PAK4: variants seen among roughly 807,000 people sequenced by gnomAD.
PAK4 encodes p21 (RAC1) activated kinase 4.
In PAK4, 49 loss-of-function variants were observed where a neutral mutation model predicts 53.5. That is an observed-to-expected ratio of 0.92 (90% CI 0.73 to 1.16). PAK4 has a LOEUF of 1.16. PAK4 is among the 50% of genes most tolerant of loss of function. The pLI, the probability that PAK4 is intolerant of heterozygous loss-of-function variation, is 0.00. For missense variants in PAK4, 824 were observed against 850.7 expected (o/e 0.97, Z 0.39); for synonymous variants, 376 against 375.6 (o/e 1.00, Z -0.01).
intron 1 of PAK4, among the ~76,000 whole-genome samples, chr19:39,150,538 C>T (rs550350384): frequency 3.3e-5 from 5 of 152,230 alleles, no homozygotes; most frequent in East Asian, 3.9e-4. Context: ...CTCATCCTCA[C>T]GCCCACTCAG....
rs368685423 is a variant in PAK4 at position 39,148,195 on chromosome 19, G to A, written c.-22-21337G>A. The stretch of plus-strand genomic sequence containing the variant: ...TCGAACTCCTGACCTCAGGTGATCC[G>A]CCTGCCTCGGCCTCCCAAAGTGCTG... On this transcript the variant is annotated intron_variant, in intron 1 of 8. Transcript: ENST00000358301. Among the ~76,000 whole-genome samples, 40 of 151,154 alleles carry A rather than the reference G, an allele frequency of 2.6e-4. No homozygotes were observed. In the East Asian group the frequency reaches 4.9e-3, roughly 18 times the overall value.
rs543677728 is a variant in PAK4 at position 39,178,370 on chromosome 19, A to G, written c.1621-54A>G. On this transcript the variant is annotated intron_variant, in intron 8 of 8. Transcript: ENST00000358301. The surrounding 1 kb of genome is among the most constrained non-coding windows in gnomAD (Gnocchi z 4.4). Reference sequence around the variant, plus strand: ...GCAGAGGCGGACACTGCAGCCCTACAGCAAATGAACAGTGGGGAGCCTCGC... The same window carrying G: ...GCAGAGGCGGACACTGCAGCCCTACGGCAAATGAACAGTGGGGAGCCTCGC... 22 of 1,542,688 alleles carry G rather than the reference A, an allele frequency of 1.4e-5. No homozygotes were observed. In the African/African-American group the frequency reaches 2.2e-4, roughly 15 times the overall value.
chr19:39,135,849 G>A (rs1310817810), intron 1 of PAK4, among the ~76,000 whole-genome samples: 3 of 149,422 alleles, frequency 2.0e-5, no homozygotes, highest in Non-Finnish European at 3.0e-5. Flanking sequence ...GTCTTGTTTC[G>A]GGATTAGGCT....
chr19:39,177,116 C>T (rs534749172), intron 7 of PAK4, among the ~76,000 whole-genome samples: 1 of 152,304 alleles, frequency 6.6e-6, no homozygotes, highest in African/African-American at 2.4e-5. Flanking sequence ...ATCTATCCGC[C>T]TTGGCCTCCT....
intron 1 of PAK4, among the ~76,000 whole-genome samples, chr19:39,131,854 C>T (rs1375059858): frequency 1.3e-5 from 2 of 152,198 alleles, no homozygotes; most frequent in Non-Finnish European, 2.9e-5. Context: ...AAAGAACTTC[C>T]CTGGGCCTCT....
chr19:39,140,950 C>T (rs534927600), intron 1 of PAK4, among the ~76,000 whole-genome samples: 1 of 152,152 alleles, frequency 6.6e-6, no homozygotes, highest in African/African-American at 2.4e-5. Context: ...TACTAGTACT[C>T]TTATTACCAT....
At position 39,168,248 on chromosome 19, in the gene PAK4, CT is replaced by C; in HGVS notation, c.-22-1283del. ...TTTACAGATGAGTAACCCGAAGCCCCTAGAGGAGTGGTCACCTGCCTGAGGG... is the reference window on the plus strand; with the variant it reads ...TTTACAGATGAGTAACCCGAAGCCCCAGAGGAGTGGTCACCTGCCTGAGGG... On this transcript the variant is annotated intron_variant, in intron 1 of 8. An upstream open reading frame in the 5' UTR loses its in-frame stop. Coordinates refer to ENST00000358301, the Ensembl canonical transcript of PAK4. The C allele has an allele frequency of 6.6e-6, 1 of 152,248 alleles. No individual in the cohort carries two copies. The highest frequency in any genetic ancestry group is 1.9e-4 in the East Asian group (1 of 5,192). 9.4% of individuals were successfully genotyped at this position (152,248 alleles called of 1,614,324 possible). A position where few individuals can be genotyped will look rare whatever the true frequency, so the allele number is the denominator to read the frequency against.
At chr19:39,155,171 G>A (rs1274965459) in intron 1 of PAK4, among the ~76,000 whole-genome samples, 1 of 152,166 alleles carries the variant, frequency 6.6e-6, no homozygotes, top group Non-Finnish European at 1.5e-5. Context: ...CGGGCACCCA[G>A]CAGCCTTGGT....
At chr19:39,144,416 C>T (rs376655689) in intron 1 of PAK4, among the ~76,000 whole-genome samples, 64 of 152,340 alleles carry the variant, frequency 4.2e-4, no homozygotes, top group African/African-American at 1.4e-3. Flanking sequence ...CTGTCTCCAG[C>T]ACGGGGCACC....
At position 39,169,523 on chromosome 19, in the gene PAK4, C is replaced by T. The variant is rs756845076; in HGVS notation, c.-22-9C>T. On this transcript the variant is annotated splice_polypyrimidine_tract_variant and intron_variant, in intron 1 of 8. Transcript: ENST00000358301. ...GCTCTCACTCACCCACCGTGATTCC[C>T]TCCCGCAGGCCGCACCGAGTCCCCG... 8.8e-6 allele frequency: 14 copies of T among 1,598,860 alleles called. No individual in the cohort carries two copies. The highest frequency in any genetic ancestry group is 2.2e-5 in the South Asian group (2 of 90,642).
At chr19:39,155,623 G>A (rs2074166729) in intron 1 of PAK4, among the ~76,000 whole-genome samples, 3 of 152,186 alleles carry the variant, frequency 2.0e-5, no homozygotes, top group African/African-American at 7.2e-5. Context: ...GGGATTTGAA[G>A]GGGAGGGAGG....
At chr19:39,177,695 G>A in exon 8 of PAK4, 1 of 1,613,564 alleles carries the variant, frequency 6.2e-7, no homozygotes, top group Non-Finnish European at 8.5e-7. Flanking sequence ...GGTCGCTGGG[G>A]ATAATGGTGA....
intron 1 of PAK4, among the ~76,000 whole-genome samples, chr19:39,155,188 C>T (rs759756868): frequency 1.9e-4 from 29 of 152,180 alleles, no homozygotes; most frequent in Non-Finnish European, 2.1e-4. Context: ...TGGTCCCTAC[C>T]GCCTACCAGA....
intron 1 of PAK4, among the ~76,000 whole-genome samples, chr19:39,145,589 C>T (rs886723955): frequency 2.6e-5 from 4 of 152,130 alleles, no homozygotes; most frequent in Non-Finnish European, 4.4e-5. Flanking sequence ...GGTAGAGCGC[C>T]GTTGGCTTCC....
chr19:39,161,074 C>T lies in PAK4; in HGVS notation c.-22-8458C>T, dbSNP rs2074276231. Reference sequence around the variant, plus strand: ...TGGGGAACAGGAAGGAAGAGGACTCCCCACCCAGCACCCAGCACTGTTTAG... The same window carrying T: ...TGGGGAACAGGAAGGAAGAGGACTCTCCACCCAGCACCCAGCACTGTTTAG... On this transcript the variant is annotated intron_variant, in intron 1 of 8. Coordinates refer to ENST00000358301, the Ensembl canonical transcript of PAK4. This position sits in a 1 kb window ranked among gnomAD's most constrained non-coding sequence, Gnocchi z 4.5. 6.6e-6 allele frequency among the ~76,000 whole-genome samples: 1 copy of T among 152,190 alleles called. No homozygotes were observed. The highest frequency in any genetic ancestry group is 2.4e-5 in the African/African-American group (1 of 41,452).
chr19:39,169,281 T>C (rs1303837573), intron 1 of PAK4, among the ~76,000 whole-genome samples: 1 of 151,788 alleles, frequency 6.6e-6, no homozygotes, highest in Non-Finnish European at 1.5e-5. Context: ...GATGGGGCCT[T>C]GTGGGCCCGC....
chr19:39,182,805 T>A (rs1367872335), downstream of PAK4: 2 of 125,334 alleles, frequency 1.6e-5, no homozygotes, highest in Admixed American at 8.2e-5. Flanking sequence ...GGTGACAGAG[T>A]GAGATTCTGT....
intron 8 of PAK4, 93 bp downstream of exon 9, chr19:39,177,902 A>G: frequency 7.1e-7 from 1 of 1,406,608 alleles, no homozygotes. Context: ...GGGGACAATG[A>G]TGGCGCCTGG....
chr19:39,159,662 A>G (rs2074251946), intron 1 of PAK4, among the ~76,000 whole-genome samples: 2 of 152,208 alleles, frequency 1.3e-5, no homozygotes, highest in South Asian at 4.1e-4. Context: ...TGCTGGGATT[A>G]CAGGCATGAG....
Sources: allele counts gnomAD v4.1 joint callset (sites outside exome capture counted in the v4.1 genomes callset), GRCh38; gene constraint gnomAD v4.1.1; non-coding constraint Gnocchi (gnomAD v3.1); transcripts MANE v1.5; gene names NCBI Gene and HGNC (gene_info 2026-07-23, HGNC 2026-07-21).